UPF1: variants seen among roughly 807,000 people sequenced by gnomAD.
The protein encoded by UPF1 is UPF1 RNA helicase and ATPase.
In UPF1, 9 loss-of-function variants were observed where a neutral mutation model predicts 129.2. The ratio of observed to expected loss-of-function variants is 0.07; its 90% confidence interval spans 0.04 to 0.12. The LOEUF (loss-of-function observed/expected upper bound fraction) is 0.12. UPF1 is among the 10% of genes least tolerant of loss of function. The pLI, the probability that UPF1 is intolerant of heterozygous loss-of-function variation, is 1.00. For synonymous variants in UPF1, 649 were observed against 644.9 expected, an observed-to-expected ratio of 1.01 and a Z score of -0.10; for missense variants, 788 against 1,525.3, an observed-to-expected ratio of 0.52 and a Z score of 8.05.
Position 18,850,110 on chromosome 19 carries a change from A to G in UPF1, c.497A>G (p.Lys166Arg). The G allele has an allele frequency of 2.5e-6, 4 of 1,614,240 alleles. No homozygotes were observed. The highest frequency in any genetic ancestry group is 3.4e-6 in the Non-Finnish European group (4 of 1,180,034). Reference sequence around the variant, plus strand: ...AATCACCTTGTGAGGGCAAAATGCAAAGAGGTGACCCTGCACAAGGACGGG... The same window carrying G: ...AATCACCTTGTGAGGGCAAAATGCAGAGAGGTGACCCTGCACAAGGACGGG... ...IVNHLVRAKC[K>R]EVTLHKDGPL... The change falls in exon 4 of 24, where the codon AAA becomes AGA. Residue 166 changes from lysine to arginine, a missense_variant. By Grantham distance (26) the Lys-to-Arg change is conservative. Around this residue, in one of 6 missense-constraint regions of UPF1, gnomAD observed 227 missense variants for 517.9 expected, o/e 0.44. Coordinates refer to ENST00000262803, the MANE Select transcript of UPF1 (RefSeq NM_002911.4). This position sits in a 1 kb window ranked among gnomAD's most constrained non-coding sequence, Gnocchi z 7.1.
At chr19:18,860,230 CTG>C (rs1464386931) in intron 15 of UPF1, 89 bp from the exon 16 acceptor site, 1 of 1,336,126 alleles carries the variant, frequency 7.5e-7, no homozygotes, top group Non-Finnish European at 1.1e-6. Context: ...ACCTGCAGCA[CTG>C]TAGCGTAGCA....
intron 1 of UPF1, among the ~76,000 whole-genome samples, chr19:18,844,306 G>GA (rs2055575435): frequency 6.9e-6 from 1 of 144,976 alleles, no homozygotes; most frequent in Non-Finnish European, 1.5e-5. Context: ...GGCCGGGGGG[G>GA]GGTTTGGGTT....
Position 18,865,236 on chromosome 19 carries a change from C to A in UPF1, c.2858-53C>A. On this transcript the variant is annotated intron_variant, in intron 20 of 23. Transcript: ENST00000262803. The surrounding 1 kb of genome is among the most constrained non-coding windows in gnomAD (Gnocchi z 6.1). ...GGCTGGTGGGGTGGGTGGGGTATCG[C>A]TGGGGTTTGACCGAGGCAGGTGACA... The A allele has an allele frequency of 1.3e-6, 2 of 1,542,162 alleles. No individual in the cohort carries two copies. Among genetic ancestry groups the A allele is most frequent in the Middle Eastern group, 1.7e-4 (1 of 5,858 alleles).
intron 3 of UPF1, chr19:18,848,412 C>G (rs981565546): frequency 2.6e-5 from 4 of 154,426 alleles, no homozygotes; most frequent in African/African-American, 9.7e-5. Context: ...TGGTCTTGCC[C>G]GAGTGGTGGG....
intron 17 of UPF1, 97 bp downstream of exon 17, chr19:18,861,079 T>C: frequency 1.4e-6 from 2 of 1,445,926 alleles, no homozygotes; most frequent in Non-Finnish European, 1.8e-6. Flanking sequence ...CCGTCCTGGC[T>C]GGAGCTCAGA....
chr19:18,839,646 CG>C (rs1568269570), intron 1 of UPF1, among the ~76,000 whole-genome samples: 1 of 152,194 alleles, frequency 6.6e-6, no homozygotes, highest in African/African-American at 2.4e-5. Flanking sequence ...CTTTAAGCCC[CG>C]TGTCTGTTAA....
chr19:18,843,961 T>A (rs1399936392), intron 1 of UPF1, among the ~76,000 whole-genome samples: 1 of 152,116 alleles, frequency 6.6e-6, no homozygotes, highest in African/African-American at 2.4e-5. Flanking sequence ...TTGCCCAGGC[T>A]GGTCTTGAGA....
intron 1 of UPF1, among the ~76,000 whole-genome samples, chr19:18,839,633 C>T (rs549099180): frequency 6.6e-5 from 10 of 152,330 alleles, no homozygotes; most frequent in South Asian, 4.1e-4. Context: ...CATGCTCCCC[C>T]GCCTTTAAGC....
chr19:18,850,014 A>G lies in UPF1; in HGVS notation c.462-61A>G, dbSNP rs577155162. 7 of 1,606,628 alleles carry G rather than the reference A, an allele frequency of 4.4e-6. No homozygotes were observed. In the South Asian group the frequency reaches 4.4e-5, roughly 10 times the overall value. On this transcript the variant is annotated intron_variant, in intron 3 of 23. Transcript: ENST00000262803. The surrounding 1 kb of genome is among the most constrained non-coding windows in gnomAD (Gnocchi z 7.1). ...CCGGAACTTTTAACAGGGGCCCGAA[A>G]ATTGGAAGTGGTGAAAAGCCAAATT...
In UPF1 at chr19:18,857,035, C is replaced by T. The variant is rs930041617; in HGVS notation, c.1968+15C>T. 7 of 1,600,538 alleles carry T rather than the reference C, an allele frequency of 4.4e-6. No individual in the cohort carries two copies. Among genetic ancestry groups the T allele is most frequent in the Middle Eastern group, 3.5e-4 (2 of 5,726 alleles). On this transcript the variant is annotated intron_variant, in intron 14 of 23. Transcript: ENST00000262803. Reference sequence around the variant, plus strand: ...GGGCCAAGCAGGTGGGCTGCCTCCCCTGCCCTCCTGTGTGAAAACTCGTGT... The same window carrying T: ...GGGCCAAGCAGGTGGGCTGCCTCCCTTGCCCTCCTGTGTGAAAACTCGTGT...
chr19:18,852,315 C>G lies in UPF1; in HGVS notation c.972+19C>G, dbSNP rs754408525. 1 of 1,610,300 alleles carries G rather than the reference C, an allele frequency of 6.2e-7. No individual in the cohort carries two copies. Among genetic ancestry groups the G allele is most frequent in the South Asian group, 1.1e-5 (1 of 90,598 alleles). ...GTCCCAGGTGATGTGTGCGAGAGGG[C>G]TTGGCCTGGGGTGGGCTCTGGCTCT... On this transcript the variant is annotated intron_variant, in intron 6 of 23. Transcript: ENST00000262803.
Position 18,850,638 on chromosome 19 carries a change from G to T in UPF1, c.630-50G>T, listed in dbSNP as rs770379610. 5 of 1,497,894 alleles carry T rather than the reference G, an allele frequency of 3.3e-6. No individual in the cohort carries two copies. Among genetic ancestry groups the T allele is most frequent in the Non-Finnish European group, 3.6e-6 (4 of 1,126,026 alleles). 92.8% of individuals were successfully genotyped at this position (1,497,894 alleles called of 1,614,324 possible). A position where few individuals can be genotyped will look rare whatever the true frequency, so the allele number is the denominator to read the frequency against. ...CATGGGAGGGGGCCCTCCCTGCTCC[G>T]GGGCTTCAGGGACGGGAGCTGGTCC... On this transcript the variant is annotated intron_variant, in intron 4 of 23. Coordinates refer to ENST00000262803, the MANE Select transcript of UPF1 (RefSeq NM_002911.4). This position sits in a 1 kb window ranked among gnomAD's most constrained non-coding sequence, Gnocchi z 7.1.
chr19:18,845,555 C>T (rs2055587701), intron 1 of UPF1, among the ~76,000 whole-genome samples: 3 of 152,168 alleles, frequency 2.0e-5, no homozygotes, highest in Admixed American at 2.0e-4. Context: ...GACATTTCCA[C>T]ATCTGCATGG....
intron 1 of UPF1, among the ~76,000 whole-genome samples, chr19:18,835,263 C>A (rs899579193): frequency 6.6e-6 from 1 of 152,108 alleles, no homozygotes; most frequent in African/African-American, 2.4e-5. Flanking sequence ...AGGTGAGCTT[C>A]GTAGCTGTTC....
Position 18,865,203 on chromosome 19 carries a change from G to C in UPF1, c.2858-86G>C. On this transcript the variant is annotated intron_variant, in intron 20 of 23. Transcript: ENST00000262803. This position sits in a 1 kb window ranked among gnomAD's most constrained non-coding sequence, Gnocchi z 6.1. ...AGAGCCAGGACAGATGTGCAGCTCC[G>C]GCTGACTGGCTGGTGGGGTGGGTGG... The C allele has an allele frequency of 1.4e-6, 2 of 1,470,414 alleles. No individual in the cohort carries two copies. Among genetic ancestry groups the C allele is most frequent in the Middle Eastern group, 1.8e-4 (1 of 5,598 alleles). The allele number at this position is 1,470,414 out of a possible 1,614,324, so 91.1% of individuals were successfully genotyped here.
intron 14 of UPF1, 72 bp downstream of exon 14, chr19:18,857,092 C>A: frequency 3.2e-6 from 5 of 1,562,200 alleles, no homozygotes; most frequent in Non-Finnish European, 3.5e-6. Flanking sequence ...TTTTAAAACA[C>A]CTTGTATTGA....
chr19:18,840,165 G>A (rs890729771), intron 1 of UPF1, among the ~76,000 whole-genome samples: 2 of 152,162 alleles, frequency 1.3e-5, no homozygotes, highest in African/African-American at 4.8e-5. Context: ...GTTGGACCCC[G>A]AATGGATGGA....
chr19:18,858,934 C>T (rs2055747105), intron 15 of UPF1, among the ~76,000 whole-genome samples: 1 of 152,192 alleles, frequency 6.6e-6, no homozygotes, highest in African/African-American at 2.4e-5. Context: ...CTGAAAGCTG[C>T]CGACACAGCG....
intron 16 of UPF1, 89 bp downstream of exon 16, chr19:18,860,527 C>A: frequency 7.4e-7 from 1 of 1,351,998 alleles, no homozygotes; most frequent in Non-Finnish European, 1.0e-6. Flanking sequence ...TAACATGGGA[C>A]TGAAACTTTT....
Sources: gnomAD v4.1 joint callset for allele counts (sites outside exome capture counted in the v4.1 genomes callset) on GRCh38, gnomAD v4.1.1 for gene constraint, gnomAD v4.1.1 regional missense constraint, Gnocchi (gnomAD v3.1) non-coding constraint, MANE v1.5 for transcripts, NCBI Gene and HGNC (gene_info 2026-07-23, HGNC 2026-07-21) for gene names.